Variants in RYR2 observed in about 807,000 individuals in gnomAD.
The protein encoded by RYR2 is ryanodine receptor 2.
A neutral mutation model predicts 601.1 loss-of-function variants in RYR2; 227 were observed. That is an observed-to-expected ratio of 0.38 (90% confidence interval 0.34 to 0.42). RYR2 has a LOEUF of 0.42. Ranked by LOEUF, RYR2 falls within the 10% of genes least tolerant of loss-of-function variation. The pLI is 1.00. For synonymous variants in RYR2, 2,223 were observed against 2,175.1 expected, an observed-to-expected ratio of 1.02 and a Z score of -0.61; for missense variants, 4,646 against 6,156.5, an observed-to-expected ratio of 0.75 and a Z score of 8.21.
At chr1:237,755,198 C>G in intron 80 of RYR2, 1 of 839,312 alleles carries the variant, frequency 1.2e-6, no homozygotes, top group Non-Finnish European at 1.6e-6. Flanking sequence ...TTCTTTTCCC[C>G]CTCCTTTTAG....
intron 27 of RYR2, among the ~76,000 whole-genome samples, chr1:237,557,017 A>G (rs956368010): frequency 6.6e-6 from 1 of 151,860 alleles, no homozygotes; most frequent in Non-Finnish European, 1.5e-5. Flanking sequence ...GATTGCTATT[A>G]AGTTGGCCAG....
intron 10 of RYR2, among the ~76,000 whole-genome samples, chr1:237,404,485 C>G (rs577130774): frequency 2.4e-3 from 362 of 152,202 alleles, no homozygotes; most frequent in African/African-American, 6.0e-3. Context: ...AATAGTAATA[C>G]TTAATCCACA....
intron 2 of RYR2, among the ~76,000 whole-genome samples, chr1:237,328,227 T>A (rs1469467239): frequency 1.3e-5 from 2 of 152,184 alleles, no homozygotes; most frequent in Admixed American, 1.3e-4. Context: ...GTATAAGCCC[T>A]CACATTTTAA....
intron 38 of RYR2, among the ~76,000 whole-genome samples, chr1:237,621,266 A>G (rs1242966248): frequency 6.6e-6 from 1 of 152,176 alleles, no homozygotes; most frequent in African/African-American, 2.4e-5. Context: ...AAGCAAGGCC[A>G]AGAGGGAAAT....
chr1:237,756,565 A>AT (rs1199011992), intron 81 of RYR2, among the ~76,000 whole-genome samples, 178 bp downstream of exon 81: 11 of 149,732 alleles, frequency 7.3e-5, no homozygotes, highest in South Asian at 2.1e-4. Context: ...ACCAATGTTA[A>AT]TTTTTTTTTT....
chr1:237,635,023 C>T (rs1345052453), intron 44 of RYR2, 31 bp downstream of exon 44: 2 of 1,382,566 alleles, frequency 1.4e-6, no homozygotes, highest in African/African-American at 1.5e-5. Context: ...GTGTGTTTGT[C>T]TGAATTATGC....
intron 1 of RYR2, among the ~76,000 whole-genome samples, chr1:237,165,020 C>CA (rs1200116988): frequency 6.6e-6 from 1 of 150,912 alleles, no homozygotes; most frequent in African/African-American, 2.4e-5. Flanking sequence ...GTTACCCAGG[C>CA]AGGAGTGCAG....
intron 2 of RYR2, among the ~76,000 whole-genome samples, chr1:237,302,642 G>A (rs1407884974): frequency 6.6e-6 from 1 of 152,144 alleles, no homozygotes; most frequent in Admixed American, 6.5e-5. Flanking sequence ...GAAATAACAG[G>A]AACATTGTTA....
chr1:237,387,908 G>T (rs1702069493), intron 9 of RYR2, among the ~76,000 whole-genome samples, 179 bp from the exon 10 acceptor site: 1 of 150,348 alleles, frequency 6.7e-6, no homozygotes, highest in Admixed American at 6.8e-5. Flanking sequence ...GTGGGACTCG[G>T]GCACCCAGGA....
intron 8 of RYR2, among the ~76,000 whole-genome samples, chr1:237,380,127 A>T (rs1486916839): frequency 1.3e-5 from 2 of 151,644 alleles, no homozygotes; most frequent in Admixed American, 1.3e-4. Flanking sequence ...ATTATTTTAC[A>T]TTCCCACCAT....
At chr1:237,492,268 G>A (rs944445118) in intron 18 of RYR2, among the ~76,000 whole-genome samples, 3 of 152,194 alleles carry the variant, frequency 2.0e-5, no homozygotes, top group African/African-American at 7.2e-5. Flanking sequence ...CTGACCTCAG[G>A]TGATCCACCT....
intron 51 of RYR2, among the ~76,000 whole-genome samples, chr1:237,651,991 C>T (rs1487359754): frequency 6.6e-6 from 1 of 151,742 alleles, no homozygotes; most frequent in Non-Finnish European, 1.5e-5. Context: ...GAGCCGAGAT[C>T]GCACCACTGA....
intron 10 of RYR2, 143 bp from the exon 11 acceptor site, chr1:237,416,906 T>C: frequency 2.9e-6 from 2 of 689,906 alleles, no homozygotes; most frequent in South Asian, 1.7e-5. Flanking sequence ...CCAGCTATAC[T>C]GTCTCCTGCC....
intron 1 of RYR2, among the ~76,000 whole-genome samples, chr1:237,101,033 T>A (rs1426852088): frequency 6.6e-6 from 1 of 152,042 alleles, no homozygotes; most frequent in Admixed American, 6.6e-5. Flanking sequence ...GACCACCAGC[T>A]CCCAAGCCGC....
intron 12 of RYR2, among the ~76,000 whole-genome samples, chr1:237,432,621 G>A (rs1220563587): frequency 1.3e-5 from 2 of 152,032 alleles, no homozygotes; most frequent in Admixed American, 6.6e-5. Flanking sequence ...TTTCCAATTA[G>A]GGCTGTCTCT....
intron 1 of RYR2, among the ~76,000 whole-genome samples, chr1:237,264,296 CG>C (rs1688821270): frequency 6.6e-6 from 1 of 152,074 alleles, no homozygotes; most frequent in Admixed American, 6.6e-5. Context: ...TGGGATTAGC[CG>C]GTGTACAGTC....
At chr1:237,263,824 G>T (rs1197621110) in intron 1 of RYR2, among the ~76,000 whole-genome samples, 2 of 152,116 alleles carry the variant, frequency 1.3e-5, no homozygotes, top group Non-Finnish European at 2.9e-5. Flanking sequence ...ATTAGTAAAA[G>T]TGACAAGGTC....
intron 2 of RYR2, among the ~76,000 whole-genome samples, chr1:237,329,513 A>G (rs560625841): frequency 2.0e-5 from 3 of 151,846 alleles, no homozygotes; most frequent in East Asian, 1.9e-4. Context: ...TTGGTGGTGC[A>G]TGCCTGTAGT....
At chr1:237,492,487 G>A (rs1319811275) in intron 18 of RYR2, among the ~76,000 whole-genome samples, 3 of 152,146 alleles carry the variant, frequency 2.0e-5, no homozygotes, top group African/African-American at 7.2e-5. Flanking sequence ...GTAACTGGAG[G>A]AATGCATTTG....
Sources: allele counts gnomAD v4.1 joint callset (sites outside exome capture counted in the v4.1 genomes callset), GRCh38; gene constraint gnomAD v4.1.1; transcripts MANE v1.5; gene names NCBI Gene and HGNC (gene_info 2026-07-23, HGNC 2026-07-21).